The following VGLL4 variants were observed in gnomAD, a reference collection of about 807,000 sequenced individuals.
The protein encoded by VGLL4 is transcription cofactor vestigial-like protein 4.
VGLL4 carries 7 observed loss-of-function variants against 21.0 expected under a neutral mutation model. The observed-to-expected ratio is 0.33, with a 90% CI of 0.19 to 0.63. VGLL4 has a LOEUF of 0.63. Ranked by LOEUF, VGLL4 falls within the 20% of genes least tolerant of loss-of-function variation. VGLL4 has a pLI of 0.78. For synonymous variants in VGLL4, 222 were observed against 173.2 expected (o/e 1.28, Z -2.21); for missense variants, 394 against 425.7 (o/e 0.93, Z 0.66).
intron 2 of VGLL4, among the ~76,000 whole-genome samples, chr3:11,657,622 G>A (rs371696055): frequency 7.2e-5 from 11 of 152,242 alleles, no homozygotes; most frequent in South Asian, 2.1e-4. Context: ...TTTCTCTTCC[G>A]TAAAATGAAG....
At chr3:11,680,440 T>A (rs1157133028) in intron 2 of VGLL4, among the ~76,000 whole-genome samples, 2 of 152,188 alleles carry the variant, frequency 1.3e-5, no homozygotes, top group Admixed American at 1.3e-4. Flanking sequence ...AAAGATACTC[T>A]GGAAGGTCAA....
rs559930370 is a variant in VGLL4, at chr3:11,581,077, T to A, written c.273-16058A>T. On this transcript the variant is annotated intron_variant, in intron 2 of 4. Coordinates refer to ENST00000430365, the MANE Select transcript of VGLL4 (RefSeq NM_001128219.3). ...ATCTGCAACTCCTTTTTTTTTTTTT[T>A]TAAAAAAAAAGATAACTCTTTCTCT... Among the ~76,000 whole-genome samples the A allele has an allele frequency of 6.9e-3, 1,051 of 151,576 alleles. 5 individuals carry two copies. Among genetic ancestry groups the A allele is most frequent in the South Asian group, 0.032 (153 of 4,772 alleles).
intron 2 of VGLL4, among the ~76,000 whole-genome samples, chr3:11,582,081 T>G (rs1310946188): frequency 6.6e-6 from 1 of 152,158 alleles, no homozygotes; most frequent in Admixed American, 6.5e-5. Context: ...ATGGCACAAA[T>G]CTGATTGGGA....
chr3:11,646,388 G>T (rs2125336965), upstream of VGLL4, among the ~76,000 whole-genome samples: 1 of 152,234 alleles, frequency 6.6e-6, no homozygotes, highest in Non-Finnish European at 1.5e-5. Context: ...GTCCCACATG[G>T]AAGAGAGGTG....
chr3:11,643,299 A>C, intron 1 of VGLL4, 138 bp downstream of exon 1: 1 of 1,346,412 alleles, frequency 7.4e-7, no homozygotes, highest in Non-Finnish European at 1.0e-6. Context: ...TGCCGAACCG[A>C]ACCTAAGAAA....
intron 1 of VGLL4, among the ~76,000 whole-genome samples, chr3:11,618,178 A>T (rs1369153980): frequency 6.6e-6 from 1 of 152,228 alleles, no homozygotes; most frequent in East Asian, 1.9e-4. Context: ...AATTCTAAAA[A>T]ATCATCATCC....
In VGLL4 at chr3:11,573,259, GAAAGAAAGAAAGAA is replaced by G. The variant is rs1559869314; in HGVS notation, c.273-8254_273-8241del. ...GAAAAGAAATAGAGAAAGAAAGAAA[GAAAGAAAGAAAGAA>G]AGAAAGAAAGAAAGAAAGAAAGAAA... On this transcript the variant is annotated intron_variant, in intron 2 of 4. Transcript: ENST00000430365. Among the ~76,000 whole-genome samples the G allele has an allele frequency of 9.3e-4, 10 of 10,760 alleles. 1 individual carries two copies. In the African/African-American group the frequency reaches 0.01, roughly 11 times the overall value. The allele number at this position is 10,760 out of a possible 152,430, so 7.1% of individuals were successfully genotyped here.
Position 11,593,473 on chromosome 3 carries a change from C to T in VGLL4, c.272+8360G>A, listed in dbSNP as rs113867261. 2.1e-3 allele frequency among the ~76,000 whole-genome samples: 317 copies of T among 152,312 alleles called. 2 individuals are homozygous for T. The highest frequency in any genetic ancestry group is 7.3e-3 in the African/African-American group (304 of 41,564). The stretch of plus-strand genomic sequence containing the variant: ...ACCTGATTTCAAAGGCTTCCTCCAA[C>T]CTTTTGTTAAGCTGAATGAATTCGT... On this transcript the variant is annotated intron_variant, in intron 2 of 4. Transcript: ENST00000430365.
At chr3:11,692,532 G>A (rs755165385) in intron 2 of VGLL4, among the ~76,000 whole-genome samples, 7 of 152,214 alleles carry the variant, frequency 4.6e-5, no homozygotes, top group Non-Finnish European at 8.8e-5. Flanking sequence ...AGAAACATCA[G>A]TGCTTATTTT....
chr3:11,563,377 G>A (rs538721217), intron 3 of VGLL4, among the ~76,000 whole-genome samples: 2 of 152,356 alleles, frequency 1.3e-5, no homozygotes, highest in South Asian at 4.1e-4. Flanking sequence ...AAGCAGAAAG[G>A]TCCACTGCCC....
intron 1 of VGLL4, among the ~76,000 whole-genome samples, chr3:11,643,126 CAAT>C (rs1400921167): frequency 6.6e-6 from 1 of 152,144 alleles, no homozygotes. Context: ...CCCCTAAAGA[CAAT>C]ATTAACGGAA....
intron 1 of VGLL4, among the ~76,000 whole-genome samples, chr3:11,634,802 C>T (rs962715493): frequency 1.3e-5 from 2 of 151,998 alleles, no homozygotes; most frequent in African/African-American, 4.8e-5. Context: ...CTCACCCTCC[C>T]GAGTATCTGG....
intron 2 of VGLL4, among the ~76,000 whole-genome samples, chr3:11,697,883 C>T (rs373731678): frequency 1.3e-5 from 2 of 152,278 alleles, no homozygotes; most frequent in Non-Finnish European, 2.9e-5. Context: ...CAGATGCAAA[C>T]GCAACCCCTG....
At chr3:11,599,672 C>T (rs1002574525) in intron 2 of VGLL4, among the ~76,000 whole-genome samples, 3 of 146,454 alleles carry the variant, frequency 2.0e-5, no homozygotes, top group Admixed American at 1.4e-4. Flanking sequence ...GCATGCACCA[C>T]CACACCCAGC....
intron 2 of VGLL4, among the ~76,000 whole-genome samples, chr3:11,681,558 G>GGC (rs2076371422): frequency 6.6e-6 from 1 of 152,092 alleles, no homozygotes; most frequent in African/African-American, 2.4e-5. Flanking sequence ...GCACTTTTGG[G>GGC]GCCCATGAAA....
At chr3:11,566,549 C>T (rs767160866) in intron 2 of VGLL4, among the ~76,000 whole-genome samples, 1 of 152,194 alleles carries the variant, frequency 6.6e-6, no homozygotes, top group Admixed American at 6.5e-5. Context: ...ACCACCTTCC[C>T]GTCCTCATCT....
rs2125092066 is a variant in VGLL4 at position 11,557,942 on chromosome 3, A to G, written c.*614T>C. 1 of 153,460 alleles carries G rather than the reference A, an allele frequency of 6.5e-6. No individual in the cohort carries two copies. Among genetic ancestry groups the G allele is most frequent in the South Asian group, 2.1e-4 (1 of 4,876 alleles). The allele number at this position is 153,460 out of a possible 1,614,324, so 9.5% of individuals were successfully genotyped here. ...GTATTGTCTACATTAAAAAAAACAA[A>G]AACAGTAACAACAACAAACACACAA... On this transcript the variant is annotated 3_prime_UTR_variant, in exon 5 of 5. Coordinates refer to ENST00000430365, the MANE Select transcript of VGLL4 (RefSeq NM_001128219.3).
intron 2 of VGLL4, among the ~76,000 whole-genome samples, chr3:11,595,383 T>C (rs1195139381): frequency 2.6e-5 from 4 of 152,182 alleles, no homozygotes; most frequent in South Asian, 2.1e-4. Context: ...TTTACACTGT[T>C]GGTGGGACTG....
chr3:11,650,891 G>A (rs972285284), intron 2 of VGLL4, among the ~76,000 whole-genome samples: 3 of 152,058 alleles, frequency 2.0e-5, no homozygotes, highest in Admixed American at 2.0e-4. Flanking sequence ...GGATCTCTAG[G>A]TCCGTCGCAA....
Sources: gnomAD v4.1 joint callset for allele counts (sites outside exome capture counted in the v4.1 genomes callset) on GRCh38, gnomAD v4.1.1 for gene constraint, MANE v1.5 for transcripts, NCBI Gene and HGNC (gene_info 2026-07-23, HGNC 2026-07-21) for gene names.